REEP3: variants seen among roughly 807,000 people sequenced by gnomAD.
REEP3 encodes the protein receptor accessory protein 3.
A neutral mutation model predicts 41.3 loss-of-function variants in REEP3; 20 were observed. That is an observed-to-expected ratio of 0.48 (90% CI 0.34 to 0.70). REEP3 has a LOEUF of 0.70. Ranked by LOEUF, REEP3 falls within the 30% of genes least tolerant of loss-of-function variation. REEP3 has a pLI of 0.01. For synonymous variants in REEP3, 104 were observed against 101.8 expected (o/e 1.02, Z -0.13); for missense variants, 271 against 308.8 (o/e 0.88, Z 0.92).
At chr10:63,562,820 G>T (rs1021201116) in intron 1 of REEP3, 18 of 413,108 alleles carry the variant, frequency 4.4e-5, no homozygotes, top group Admixed American at 3.6e-4. Flanking sequence ...TACTCTAAAG[G>T]TTCACAAATA....
rs541777245 is a variant in REEP3 at position 63,622,052 on chromosome 10, C to G, written c.*1183C>G. 3 of 152,138 alleles carry G rather than the reference C, an allele frequency of 2.0e-5. No individual in the cohort carries two copies. The highest frequency in any genetic ancestry group is 7.2e-5 in the African/African-American group (3 of 41,434). The allele number at this position is 152,138 out of a possible 1,614,324, so 9.4% of individuals were successfully genotyped here. A position where few individuals can be genotyped will look rare whatever the true frequency, so the allele number is the denominator to read the frequency against. On this transcript the variant is annotated 3_prime_UTR_variant, in exon 8 of 8. Transcript: ENST00000373758. Reference sequence around the variant, plus strand: ...ATTTTGAGTTATTGAATTCTTAAGGCTTTCTTAGCTTGAACTGATAACTAT... The same window carrying G: ...ATTTTGAGTTATTGAATTCTTAAGGGTTTCTTAGCTTGAACTGATAACTAT...
intron 2 of REEP3, among the ~76,000 whole-genome samples, chr10:63,568,118 T>A (rs1354628701): frequency 6.6e-6 from 1 of 152,112 alleles, no homozygotes; most frequent in Non-Finnish European, 1.5e-5. Context: ...TATTCTAATA[T>A]AAGTTGGAGT....
intron 5 of REEP3, among the ~76,000 whole-genome samples, chr10:63,609,837 A>C (rs569241328): frequency 6.6e-6 from 1 of 152,210 alleles, no homozygotes; most frequent in Admixed American, 6.5e-5. Flanking sequence ...TTTAAGCCCC[A>C]AAGTGCTAGT....
chr10:63,573,621 T>C (rs1415252737), intron 2 of REEP3, among the ~76,000 whole-genome samples: 2 of 152,180 alleles, frequency 1.3e-5, no homozygotes, highest in East Asian at 3.9e-4. Flanking sequence ...TCTGCTGACT[T>C]GGTTTTTGAA....
chr10:63,606,455 A>C (rs1449669918), intron 5 of REEP3, among the ~76,000 whole-genome samples: 4 of 151,836 alleles, frequency 2.6e-5, no homozygotes, highest in Non-Finnish European at 5.9e-5. Context: ...TTGTGATCAC[A>C]GCTCACTAAG....
intron 2 of REEP3, among the ~76,000 whole-genome samples, chr10:63,587,152 A>T (rs1306661211): frequency 6.6e-6 from 1 of 152,234 alleles, no homozygotes; most frequent in Non-Finnish European, 1.5e-5. Context: ...ATAGCTAACA[A>T]ATTCACACAG....
intron 2 of REEP3, among the ~76,000 whole-genome samples, chr10:63,571,926 C>CA (rs1263111224): frequency 2.0e-5 from 3 of 152,138 alleles, no homozygotes; most frequent in African/African-American, 4.8e-5. Context: ...CCTTTAGAAA[C>CA]ACAGGTGAAG....
chr10:63,533,145 A>G (rs1955439926), intron 1 of REEP3, among the ~76,000 whole-genome samples: 1 of 152,228 alleles, frequency 6.6e-6, no homozygotes, highest in African/African-American at 2.4e-5. Context: ...AAGGCAGGGT[A>G]GAACCCTAGT....
At chr10:63,583,376 A>G (rs1253271109) in intron 2 of REEP3, among the ~76,000 whole-genome samples, 1 of 152,212 alleles carries the variant, frequency 6.6e-6, no homozygotes, top group Non-Finnish European at 1.5e-5. Flanking sequence ...TGACATTTAA[A>G]TACTTACTGT....
At chr10:63,598,628 C>CA in intron 4 of REEP3, among the ~76,000 whole-genome samples, 1 of 150,788 alleles carries the variant, frequency 6.6e-6, no homozygotes, top group East Asian at 2.0e-4. Context: ...ACTAAAAATA[C>CA]AAAAAATTAG....
At chr10:63,545,952 T>C (rs1328424806) in intron 1 of REEP3, among the ~76,000 whole-genome samples, 2 of 152,198 alleles carry the variant, frequency 1.3e-5, no homozygotes, top group African/African-American at 4.8e-5. Context: ...GAGAAGTGGA[T>C]ATTTGAACAG....
intron 6 of REEP3, among the ~76,000 whole-genome samples, chr10:63,612,296 C>T (rs1956282466): frequency 6.6e-6 from 1 of 151,976 alleles, no homozygotes; most frequent in Non-Finnish European, 1.5e-5. Context: ...GTCAGCCTTC[C>T]GAGAAGCTGG....
At chr10:63,526,041 A>G (rs956395235) in intron 1 of REEP3, among the ~76,000 whole-genome samples, 1 of 152,222 alleles carries the variant, frequency 6.6e-6, no homozygotes, top group Non-Finnish European at 1.5e-5. Flanking sequence ...AAAAAGGAAA[A>G]ACATGCTCTC....
At chr10:63,547,963 T>G (rs1343113602) in intron 1 of REEP3, among the ~76,000 whole-genome samples, 2 of 152,192 alleles carry the variant, frequency 1.3e-5, no homozygotes, top group African/African-American at 4.8e-5. Flanking sequence ...GAATGCCTAT[T>G]TTCTTCTAAT....
intron 1 of REEP3, among the ~76,000 whole-genome samples, chr10:63,533,710 C>CT (rs71025187): frequency 0.013 from 1,329 of 101,090 alleles, 199 homozygotes; most frequent in Middle Eastern, 0.028. Context: ...GTATGTAAAT[C>CT]TTTTTTTTTT....
chr10:63,557,313 G>C (rs532166219), intron 1 of REEP3, among the ~76,000 whole-genome samples: 1 of 152,088 alleles, frequency 6.6e-6, no homozygotes, highest in Non-Finnish European at 1.5e-5. Context: ...AACTTGAAGA[G>C]CATAGTAAAA....
chr10:63,572,244 A>T (rs1955858890), intron 2 of REEP3, among the ~76,000 whole-genome samples: 1 of 152,114 alleles, frequency 6.6e-6, no homozygotes, highest in African/African-American at 2.4e-5. Flanking sequence ...AATTTTGAAC[A>T]TTATTTGCTT....
intron 1 of REEP3, among the ~76,000 whole-genome samples, chr10:63,559,772 T>C (rs1955723843): frequency 6.6e-6 from 1 of 152,202 alleles, no homozygotes; most frequent in Non-Finnish European, 1.5e-5. Flanking sequence ...GTGGCTCTTA[T>C]GAAATGTCAA....
chr10:63,551,854 C>T (rs189958490), intron 1 of REEP3, among the ~76,000 whole-genome samples: 46 of 152,106 alleles, frequency 3.0e-4, no homozygotes, highest in Admixed American at 1.4e-3. Context: ...CAATTAATAA[C>T]GATATATTAT....
Sources: allele counts gnomAD v4.1 joint callset (sites outside exome capture counted in the v4.1 genomes callset), GRCh38; gene constraint gnomAD v4.1.1; transcripts MANE v1.5; gene names NCBI Gene and HGNC (gene_info 2026-07-23, HGNC 2026-07-21).